Variants in ZFAND4 observed in about 807,000 individuals in gnomAD.
The protein encoded by ZFAND4 is AN1-type zinc finger protein 4.
Under a neutral mutation model 64.4 loss-of-function variants are expected in ZFAND4, and 43 were observed. The ratio of observed to expected loss-of-function variants is 0.67; its 90% CI spans 0.52 to 0.86. The LOEUF (loss-of-function observed/expected upper bound fraction) is 0.86, where lower values mean the gene tolerates loss of function less well. Ranked by LOEUF, ZFAND4 falls within the 40% of genes least tolerant of loss-of-function variation. The pLI, the probability that ZFAND4 is intolerant of heterozygous loss-of-function variation, is 0.00. For synonymous variants in ZFAND4, 296 were observed against 305.7 expected (o/e 0.97, Z 0.33); for missense variants, 929 against 859.8 (o/e 1.08, Z -1.01).
intron 6 of ZFAND4, among the ~76,000 whole-genome samples, chr10:45,627,935 C>T (rs994612476): frequency 3.3e-4 from 50 of 152,172 alleles, no homozygotes; most frequent in African/African-American, 1.2e-3. Flanking sequence ...CTGATTTTGC[C>T]TTGTATCTTT....
At chr10:45,620,457 A>G (rs1194925791) in intron 8 of ZFAND4, among the ~76,000 whole-genome samples, 1 of 152,118 alleles carries the variant, frequency 6.6e-6, no homozygotes, top group Non-Finnish European at 1.5e-5. Context: ...CTTCAGCCTA[A>G]TCAGGTAACA....
chr10:45,621,415 G>A (rs1173957908), intron 8 of ZFAND4, among the ~76,000 whole-genome samples: 7 of 150,306 alleles, frequency 4.7e-5, no homozygotes, highest in African/African-American at 1.7e-4. Context: ...CAAGCAGAGG[G>A]CTGGTTAAAA....
At chr10:45,664,084 GCA>G (rs1005702101) in intron 1 of ZFAND4, among the ~76,000 whole-genome samples, 1 of 152,134 alleles carries the variant, frequency 6.6e-6, no homozygotes, top group Non-Finnish European at 1.5e-5. Context: ...CTAGAGCTCA[GCA>G]CAGTTATATA....
At chr10:45,653,084 A>C in intron 2 of ZFAND4, 25 bp from the exon 3 acceptor site, 1 of 1,547,246 alleles carries the variant, frequency 6.5e-7, no homozygotes. Context: ...ATTAAAAAAA[A>C]GTGTTAAAGA....
At chr10:45,623,172 A>C (rs1195653864) in intron 8 of ZFAND4, among the ~76,000 whole-genome samples, 2 of 152,244 alleles carry the variant, frequency 1.3e-5, no homozygotes, top group African/African-American at 4.8e-5. Context: ...TGTCGATGGA[A>C]TGAAACATGG....
intron 6 of ZFAND4, among the ~76,000 whole-genome samples, chr10:45,638,471 C>A (rs2046770488): frequency 1.3e-5 from 2 of 150,538 alleles, no homozygotes; most frequent in Non-Finnish European, 3.0e-5. Context: ...CAGAGCAAGA[C>A]TCTGTCTCAA....
At chr10:45,620,258 C>T (rs988024144) in intron 8 of ZFAND4, among the ~76,000 whole-genome samples, 3 of 151,966 alleles carry the variant, frequency 2.0e-5, no homozygotes, top group African/African-American at 7.3e-5. Context: ...CCAAGGTGGG[C>T]GAATCAACTG....
intron 2 of ZFAND4, among the ~76,000 whole-genome samples, chr10:45,653,529 C>CA (rs1295365442): frequency 6.6e-6 from 1 of 151,966 alleles, no homozygotes; most frequent in Non-Finnish European, 1.5e-5. Flanking sequence ...AGACACTTCT[C>CA]AAAAAAAGAC....
chr10:45,632,787 T>C (rs1381493193), intron 6 of ZFAND4, among the ~76,000 whole-genome samples: 1 of 152,164 alleles, frequency 6.6e-6, no homozygotes, highest in Non-Finnish European at 1.5e-5. Context: ...TGAAGTCATA[T>C]CAATAAATAT....
At chr10:45,649,059 G>A (rs1198169463) in intron 4 of ZFAND4, 1 of 481,186 alleles carries the variant, frequency 2.1e-6, no homozygotes. Flanking sequence ...ATGAAGTCAA[G>A]AGATCAAGAC....
At chr10:45,635,195 CAAAAAAAAA>C in intron 6 of ZFAND4, among the ~76,000 whole-genome samples, 1 of 27,628 alleles carries the variant, frequency 3.6e-5, no homozygotes, top group South Asian at 2.0e-3. Flanking sequence ...GCCATCTAAG[CAAAAAAAAA>C]AAAAAAAAAC....
intron 6 of ZFAND4, among the ~76,000 whole-genome samples, chr10:45,634,451 C>T (rs1248327317): frequency 2.0e-5 from 3 of 151,630 alleles, no homozygotes; most frequent in South Asian, 2.1e-4. Flanking sequence ...ATCGCTTGAA[C>T]CCAGGAGGTG....
At chr10:45,645,278 G>A (rs1359967333) in intron 5 of ZFAND4, among the ~76,000 whole-genome samples, 1 of 152,072 alleles carries the variant, frequency 6.6e-6, no homozygotes, top group Non-Finnish European at 1.5e-5. Flanking sequence ...AACATGTAAG[G>A]TCTTTAAAGT....
chr10:45,653,670 C>T (rs530823451), intron 2 of ZFAND4, among the ~76,000 whole-genome samples: 48 of 152,260 alleles, frequency 3.2e-4, no homozygotes, highest in Non-Finnish European at 5.6e-4. Context: ...CAAAAAATAA[C>T]TGATGTTGTC....
intron 6 of ZFAND4, among the ~76,000 whole-genome samples, chr10:45,637,007 A>G (rs1231629280): frequency 2.0e-5 from 3 of 150,268 alleles, no homozygotes; most frequent in Non-Finnish European, 4.5e-5. Context: ...CCCATCAGAA[A>G]AAAAAAAAAA....
chr10:45,631,312 GC>G (rs1181164659), intron 6 of ZFAND4, among the ~76,000 whole-genome samples: 3 of 128,330 alleles, frequency 2.3e-5, no homozygotes, highest in Non-Finnish European at 3.4e-5. Context: ...GCAAGACTCC[GC>G]CCCCCAAAAA....
chr10:45,616,676 G>A, intron 9 of ZFAND4, 105 bp from the exon 10 acceptor site: 1 of 1,157,676 alleles, frequency 8.6e-7, no homozygotes, highest in Non-Finnish European at 1.2e-6. Flanking sequence ...GGGCCCTTTG[G>A]TTCTTTTTAG....
At chr10:45,667,526 T>C (rs2048910223) in intron 1 of ZFAND4, among the ~76,000 whole-genome samples, 1 of 140,418 alleles carries the variant, frequency 7.1e-6, no homozygotes, top group Non-Finnish European at 1.5e-5. Flanking sequence ...TGAAGTGAAA[T>C]GGCACGATCT....
chr10:45,646,616 T>C (rs1261438985), intron 5 of ZFAND4, among the ~76,000 whole-genome samples: 1 of 152,118 alleles, frequency 6.6e-6, no homozygotes, highest in Non-Finnish European at 1.5e-5. Flanking sequence ...AAATGACGTT[T>C]CAAGCAAAGG....
Sources: gnomAD v4.1 joint callset for allele counts (sites outside exome capture counted in the v4.1 genomes callset) on GRCh38, gnomAD v4.1.1 for gene constraint, MANE v1.5 for transcripts, NCBI Gene and HGNC (gene_info 2026-07-23, HGNC 2026-07-21) for gene names.